Variants in ADGRL2 observed in about 807,000 individuals in gnomAD.
ADGRL2 encodes the protein adhesion G protein-coupled receptor L2.
A neutral mutation model predicts 157.4 loss-of-function variants in ADGRL2; 44 were observed. That is an observed-to-expected ratio of 0.28 (90% confidence interval 0.22 to 0.36). The LOEUF is 0.36. ADGRL2 is among the 10% of genes least tolerant of loss of function. The probability of loss-of-function intolerance (pLI) is 1.00; values close to 1 mark genes in which losing one functional copy is unlikely to be tolerated. For missense variants in ADGRL2, 1,510 were observed against 1,768.9 expected (o/e 0.85, Z 2.63); for synonymous variants, 585 against 624.7 (o/e 0.94, Z 0.95).
At chr1:81,438,747 T>C (rs2077454520) in intron 1 of ADGRL2, among the ~76,000 whole-genome samples, 1 of 152,200 alleles carries the variant, frequency 6.6e-6, no homozygotes, top group Non-Finnish European at 1.5e-5. Context: ...TGTATGAACT[T>C]GGGCAGTTTA....
chr1:81,696,608 C>G (rs370788353), upstream of ADGRL2, among the ~76,000 whole-genome samples: 1 of 151,966 alleles, frequency 6.6e-6, no homozygotes, highest in South Asian at 2.1e-4. Context: ...AAAAATTAGC[C>G]GGGTGTGGTG....
intron 3 of ADGRL2, among the ~76,000 whole-genome samples, chr1:81,648,503 C>T (rs2082354772): frequency 6.6e-6 from 1 of 152,204 alleles, no homozygotes; most frequent in Non-Finnish European, 1.5e-5. Context: ...AAGGAAAAGA[C>T]ATATCTTTCT....
intron 1 of ADGRL2, chr1:81,414,111 CAT>C (rs1273834257): frequency 6.6e-6 from 1 of 152,188 alleles, no homozygotes; most frequent in African/African-American, 2.4e-5. Context: ...TGTGCTGTAT[CAT>C]ATTCTTGCAA....
intron 2 of ADGRL2, among the ~76,000 whole-genome samples, chr1:81,853,630 A>C (rs924199256): frequency 6.6e-6 from 1 of 152,224 alleles, no homozygotes; most frequent in Non-Finnish European, 1.5e-5. Context: ...TGAAATTTTC[A>C]AAGACTGTAA....
chr1:81,427,621 G>T, intron 1 of ADGRL2: 1 of 650,810 alleles, frequency 1.5e-6, no homozygotes. Flanking sequence ...GAAAACAGCA[G>T]AAAAGGGCTG....
intron 2 of ADGRL2, among the ~76,000 whole-genome samples, chr1:81,511,544 A>G (rs909220635): frequency 3.9e-5 from 6 of 152,286 alleles, no homozygotes; most frequent in African/African-American, 1.4e-4. Context: ...ATTACTGTTA[A>G]TAATTATAGG....
intron 23 of ADGRL2, chr1:81,988,259 A>G (rs1344118816): frequency 1.3e-5 from 2 of 152,476 alleles, no homozygotes; most frequent in African/African-American, 4.8e-5. Flanking sequence ...GGGCAGAAAA[A>G]GATAACCTCT....
chr1:81,401,566 A>G (rs1159178042), intron 1 of ADGRL2, among the ~76,000 whole-genome samples: 1 of 152,052 alleles, frequency 6.6e-6, no homozygotes, highest in Non-Finnish European at 1.5e-5. Flanking sequence ...AATATAGTTT[A>G]TTTGTTGTTT....
chr1:81,912,907 G>A (rs919531310), intron 3 of ADGRL2, among the ~76,000 whole-genome samples: 1 of 152,118 alleles, frequency 6.6e-6, no homozygotes, highest in Non-Finnish European at 1.5e-5. Flanking sequence ...CTGGTCACAT[G>A]GAGCCAGATG....
chr1:81,809,012 A>C (rs1179141128), intron 1 of ADGRL2, among the ~76,000 whole-genome samples: 1 of 152,078 alleles, frequency 6.6e-6, no homozygotes, highest in Non-Finnish European at 1.5e-5. Flanking sequence ...GGTAAAGTTT[A>C]GGTCTGTTTT....
chr1:81,419,837 T>A (rs755082093), intron 1 of ADGRL2, among the ~76,000 whole-genome samples: 6 of 152,174 alleles, frequency 3.9e-5, no homozygotes, highest in Non-Finnish European at 5.9e-5. Context: ...ACTGAACACC[T>A]CTAAGTATGT....
At position 81,446,491 on chromosome 1, in the gene ADGRL2, G is replaced by A. The variant is rs79474926; in HGVS notation, c.-248+1402G>A. On this transcript the variant is annotated intron_variant, in intron 2 of 24. Transcript: ENST00000370721. ...GCCAATAGTCCATGTTGCCACTCAC[G>A]TTCATCCTTCTCTTCTAAGAAGCAT... 2.5e-3 allele frequency among the ~76,000 whole-genome samples: 379 copies of A among 152,200 alleles called. 2 individuals are homozygous for A. The highest frequency in any genetic ancestry group is 8.8e-3 in the African/African-American group (364 of 41,532).
At chr1:81,891,063 G>C (rs2094251184) in intron 2 of ADGRL2, among the ~76,000 whole-genome samples, 1 of 151,724 alleles carries the variant, frequency 6.6e-6, no homozygotes, top group African/African-American at 2.4e-5. Context: ...TCCAGTTCTT[G>C]TTTTTGTTTT....
At chr1:81,758,711 T>C (rs2085772256) in intron 1 of ADGRL2, among the ~76,000 whole-genome samples, 1 of 152,234 alleles carries the variant, frequency 6.6e-6, no homozygotes. Context: ...TATGCTAACA[T>C]TTCATGGAAT....
At chr1:81,323,150 G>A (rs1013602100) in intron 1 of ADGRL2, among the ~76,000 whole-genome samples, 1 of 151,920 alleles carries the variant, frequency 6.6e-6, no homozygotes, top group African/African-American at 2.4e-5. Flanking sequence ...GAGCCACCGT[G>A]CCCGGCCTAT....
At chr1:81,867,859 A>T (rs2150940142) in intron 2 of ADGRL2, among the ~76,000 whole-genome samples, 1 of 152,144 alleles carries the variant, frequency 6.6e-6, no homozygotes, top group East Asian at 1.9e-4. Flanking sequence ...TTAGATTATT[A>T]TCTCTTTATA....
intron 2 of ADGRL2, among the ~76,000 whole-genome samples, chr1:81,569,918 C>T (rs2080648101): frequency 6.6e-6 from 1 of 152,162 alleles, no homozygotes; most frequent in African/African-American, 2.4e-5. Flanking sequence ...TCTAAGATGC[C>T]TCACTCACAT....
chr1:81,630,655 A>G (rs576253682), intron 3 of ADGRL2, among the ~76,000 whole-genome samples: 2 of 152,212 alleles, frequency 1.3e-5, no homozygotes, highest in Non-Finnish European at 2.9e-5. Flanking sequence ...ATGAGGTGAT[A>G]TGCATGTGGA....
At chr1:81,699,438 A>G (rs1410154416), upstream of ADGRL2, among the ~76,000 whole-genome samples, 1 of 152,204 alleles carries the variant, frequency 6.6e-6, no homozygotes, top group African/African-American at 2.4e-5. Flanking sequence ...TACTGTTCCC[A>G]CACCTCAGTT....
Sources: gnomAD v4.1 joint callset for allele counts (sites outside exome capture counted in the v4.1 genomes callset) on GRCh38, gnomAD v4.1.1 for gene constraint, MANE v1.5 for transcripts, NCBI Gene and HGNC (gene_info 2026-07-23, HGNC 2026-07-21) for gene names.